STAU1: variants seen among roughly 807,000 people sequenced by gnomAD.
STAU1 encodes the protein double-stranded RNA-binding protein Staufen homolog 1.
Under a neutral mutation model 62.9 loss-of-function variants are expected in STAU1, and 13 were observed. The observed-to-expected ratio is 0.21, with a 90% CI of 0.13 to 0.33. STAU1 has a LOEUF of 0.33. STAU1 is among the 10% of genes least tolerant of loss of function. The pLI, the probability that STAU1 is intolerant of heterozygous loss-of-function variation, is 1.00. For missense variants in STAU1, 571 were observed against 712.1 expected (o/e 0.80, Z 2.25); for synonymous variants, 269 against 265.1 (o/e 1.01, Z -0.14).
At chr20:49,178,662 A>G (rs2093687820) in intron 1 of STAU1, among the ~76,000 whole-genome samples, 1 of 152,082 alleles carries the variant, frequency 6.6e-6, no homozygotes, top group African/African-American at 2.4e-5. Flanking sequence ...GAGGCTGAAC[A>G]ATCACTTGAA....
intron 2 of STAU1, among the ~76,000 whole-genome samples, chr20:49,172,799 T>A (rs750957067): frequency 4.6e-5 from 7 of 152,136 alleles, no homozygotes; most frequent in Non-Finnish European, 8.8e-5. Flanking sequence ...CCAAAACACT[T>A]TATAATAGGA....
At chr20:49,216,235 A>AG in the STAU1 span, among the ~76,000 whole-genome samples, 1 of 151,234 alleles carries the variant, frequency 6.6e-6, no homozygotes, top group East Asian at 1.9e-4. Flanking sequence ...TTAAAAAAAA[A>AG]TCCCTCAAGG....
chr20:49,149,032 C>A (rs917402155), intron 5 of STAU1, among the ~76,000 whole-genome samples: 5 of 152,106 alleles, frequency 3.3e-5, no homozygotes, highest in Non-Finnish European at 1.5e-5. Flanking sequence ...GGTCAGATCA[C>A]CTGAGCTCAG....
chr20:49,219,191 A>G, the STAU1 span: 1 of 663,098 alleles, frequency 1.5e-6, no homozygotes, highest in Non-Finnish European at 2.6e-6. Flanking sequence ...ACCCTCCTCA[A>G]ATACTGCCAC....
intron 2 of STAU1, 125 bp from the exon 3 acceptor site, chr20:49,166,410 T>C (rs762438025): frequency 2.7e-5 from 15 of 563,556 alleles, no homozygotes; most frequent in African/African-American, 1.1e-4. Context: ...CATGTAGCTA[T>C]GTTGATTTAT....
upstream of STAU1, among the ~76,000 whole-genome samples, chr20:49,189,409 C>T (rs1431705919): frequency 1.3e-5 from 2 of 151,088 alleles, no homozygotes; most frequent in Non-Finnish European, 2.9e-5. Flanking sequence ...CCGAGGTGGG[C>T]GGATCACCTG....
chr20:49,149,430 A>G (rs910550582), intron 5 of STAU1, among the ~76,000 whole-genome samples: 2 of 152,184 alleles, frequency 1.3e-5, no homozygotes, highest in Non-Finnish European at 2.9e-5. Flanking sequence ...GGTTGGGCCT[A>G]GAATTTATTT....
chr20:49,126,629 G>A (rs1290389824), intron 6 of STAU1, among the ~76,000 whole-genome samples: 1 of 66,990 alleles, frequency 1.5e-5, no homozygotes, highest in African/African-American at 5.3e-5. Context: ...ACCGATATTA[G>A]CCAAGACACT....
rs748805930 is a variant in STAU1 at position 49,120,158 on chromosome 20, T to G, written c.967-30A>C. 1.6e-5 allele frequency: 25 copies of G among 1,584,952 alleles called. No homozygotes were observed. In the African/African-American group the frequency reaches 2.4e-4, roughly 15 times the overall value. ...ACAAAGAAGTCAAAACACAGACCAGTGCTTAAACCTTCAGAATAACAACCA... is the reference window on the plus strand; with the variant it reads ...ACAAAGAAGTCAAAACACAGACCAGGGCTTAAACCTTCAGAATAACAACCA... On this transcript the variant is annotated intron_variant, in intron 8 of 13. Coordinates refer to ENST00000371856, the MANE Select transcript of STAU1 (RefSeq NM_017453.4).
At chr20:49,118,182 C>T (rs2092376755) in intron 10 of STAU1, 86 bp from the exon 11 acceptor site, 1 of 1,432,876 alleles carries the variant, frequency 7.0e-7, no homozygotes, top group South Asian at 1.2e-5. Context: ...CGCTGGCCCT[C>T]CCCTTGGCAC....
Position 49,135,417 on chromosome 20 carries a change from C to T in STAU1, c.609+416G>A, listed in dbSNP as rs577959865. 2.0e-5 allele frequency among the ~76,000 whole-genome samples: 3 copies of T among 152,312 alleles called. No individual in the cohort carries two copies. The East Asian group carries it at 5.8e-4, about 29-fold the overall frequency. On this transcript the variant is annotated intron_variant, in intron 6 of 13. Coordinates refer to ENST00000371856, the MANE Select transcript of STAU1 (RefSeq NM_017453.4). ...GAAGTTATTAAACAGGAATTGAGGG[C>T]AGACGCTAGACAATGACAAAAACTG...
At chr20:49,151,096 C>T (rs1249883240) in intron 5 of STAU1, among the ~76,000 whole-genome samples, 1 of 152,166 alleles carries the variant, frequency 6.6e-6, no homozygotes, top group African/African-American at 2.4e-5. Flanking sequence ...AAAATAAATG[C>T]CTGGAGATGT....
At chr20:49,177,132 G>A (rs141595061) in intron 1 of STAU1, among the ~76,000 whole-genome samples, 12 of 151,870 alleles carry the variant, frequency 7.9e-5, no homozygotes, top group African/African-American at 2.7e-4. Context: ...GGCTGGTCTC[G>A]ATCTCCTGAC....
intron 5 of STAU1, among the ~76,000 whole-genome samples, chr20:49,147,891 AATAG>A (rs1419602624): frequency 2.6e-5 from 4 of 152,352 alleles, no homozygotes; most frequent in African/African-American, 7.2e-5. Flanking sequence ...ATTTTTATGA[AATAG>A]ATAGGCATCT....
At chr20:49,177,761 A>G (rs971957970) in intron 1 of STAU1, among the ~76,000 whole-genome samples, 2 of 152,198 alleles carry the variant, frequency 1.3e-5, no homozygotes, top group African/African-American at 2.4e-5. Flanking sequence ...GTCAGACATA[A>G]AGACAATGCT....
intron 3 of STAU1, among the ~76,000 whole-genome samples, chr20:49,162,847 C>CACAAGGAAGGGGATGAAAAG (rs1389912511): frequency 6.6e-6 from 1 of 151,132 alleles, no homozygotes; most frequent in Non-Finnish European, 1.5e-5. Flanking sequence ...AGGAAACAGG[C>CACAAGGAAGGGGATGAAAAG]ACAAGGAAGG....
intron 6 of STAU1, among the ~76,000 whole-genome samples, chr20:49,134,321 C>T (rs899545928): frequency 2.6e-5 from 4 of 151,680 alleles, no homozygotes; most frequent in African/African-American, 7.3e-5. Flanking sequence ...ATCCCAGCTA[C>T]TCAGGAGGCT....
intron 6 of STAU1, among the ~76,000 whole-genome samples, chr20:49,130,159 C>A (rs1021450902): frequency 3.3e-5 from 5 of 152,072 alleles, no homozygotes; most frequent in African/African-American, 1.2e-4. Flanking sequence ...ACTACTGAAA[C>A]ACACAACAGC....
chr20:49,126,382 C>T (rs1016211206), intron 6 of STAU1, among the ~76,000 whole-genome samples: 2 of 151,238 alleles, frequency 1.3e-5, no homozygotes, highest in Non-Finnish European at 2.9e-5. Context: ...GCCAATACAG[C>T]AAGACCTTGA....
Sources: allele counts gnomAD v4.1 joint callset (sites outside exome capture counted in the v4.1 genomes callset), GRCh38; gene constraint gnomAD v4.1.1; transcripts MANE v1.5; gene names NCBI Gene and HGNC (gene_info 2026-07-23, HGNC 2026-07-21).